The following GRIN2C variants were observed in gnomAD, a reference collection of about 807,000 sequenced individuals.
GRIN2C encodes glutamate receptor ionotropic, NMDA 2C.
A neutral mutation model predicts 77.7 loss-of-function variants in GRIN2C; 64 were observed. The ratio of observed to expected loss-of-function variants is 0.82; its 90% CI spans 0.67 to 1.01. GRIN2C has a LOEUF of 1.01. Among genes scored for constraint, GRIN2C ranks in the 50% least tolerant of loss-of-function variants. The pLI, the probability that GRIN2C is intolerant of heterozygous loss-of-function variation, is 0.00. For missense variants in GRIN2C, 1,549 were observed against 1,486.0 expected (o/e 1.04, Z -0.70); for synonymous variants, 792 against 643.4 (o/e 1.23, Z -3.49).
intron 1 of GRIN2C, among the ~76,000 whole-genome samples, chr17:74,855,887 G>A (rs977836198): frequency 2.0e-5 from 3 of 152,348 alleles, no homozygotes; most frequent in South Asian, 2.1e-4. Context: ...TTCCTTCTGT[G>A]GCCTCAGCTA....
intron 1 of GRIN2C, among the ~76,000 whole-genome samples, chr17:74,856,682 T>G (rs1176181948): frequency 6.6e-6 from 1 of 152,022 alleles, no homozygotes; most frequent in South Asian, 2.1e-4. Context: ...GGTTTCACCG[T>G]GTTAGCCAGG....
chr17:74,849,665 T>C lies in GRIN2C; in HGVS notation c.1645+115A>G. 1.1e-6 allele frequency: 1 copy of C among 926,158 alleles called. No homozygotes were observed. The highest frequency in any genetic ancestry group is 1.6e-6 in the Non-Finnish European group (1 of 610,308). The allele number at this position is 926,158 out of a possible 1,614,324, so 57.4% of individuals were successfully genotyped here. A position where few individuals can be genotyped will look rare whatever the true frequency, so the allele number is the denominator to read the frequency against. ...CCAGCCAACCTCCAAGACCCAAGGC[T>C]GCTGTGCTTGGCCTGTGAGAGCCCA... On this transcript the variant is annotated intron_variant, in intron 7 of 12. Transcript: ENST00000293190. This position sits in a 1 kb window ranked among gnomAD's most constrained non-coding sequence, Gnocchi z 4.6.
rs1002578183 is a variant in GRIN2C at position 74,852,155 on chromosome 17, G to T, written c.856C>A (p.Arg286Ser). 1.2e-5 allele frequency: 17 copies of T among 1,452,604 alleles called. No individual in the cohort carries two copies. Among genetic ancestry groups the T allele is most frequent in the African/African-American group, 2.9e-5 (2 of 68,022 alleles). 90.0% of individuals were successfully genotyped at this position (1,452,604 alleles called of 1,614,324 possible). A position where few individuals can be genotyped will look rare whatever the true frequency, so the allele number is the denominator to read the frequency against. ...GCCACGCCGTCGCGCACCTTCTGGC[G>T]CAGGCTGAGGCGCCAGCTCTCGGTG... ...VVTESWRLSLRQKVRDGVAIL... is the reference protein window; with the variant it reads ...VVTESWRLSLSQKVRDGVAIL... The change falls in exon 3 of 13, where the codon CGC becomes AGC. Residue 286 changes from arginine (R) to serine (S), a missense_variant. By Grantham distance (110) the Arg-to-Ser change is moderately radical (BLOSUM62 -1). This residue lies in a region of GRIN2C where 717 missense variants were observed against 858.1 expected (regional missense o/e 0.84). Transcript: ENST00000293190.
Position 74,847,651 on chromosome 17 carries a change from G to C in GRIN2C, c.1772-114C>G. Reference sequence around the variant, plus strand: ...GTCTCAGCCTGGCCTTGGGGGGGACGCGTCCTGGCCATTCCCTCGCCAGGT... The same window carrying C: ...GTCTCAGCCTGGCCTTGGGGGGGACCCGTCCTGGCCATTCCCTCGCCAGGT... On this transcript the variant is annotated intron_variant, in intron 8 of 12. Transcript: ENST00000293190. The surrounding 1 kb of genome is among the most constrained non-coding windows in gnomAD (Gnocchi z 5.2). The C allele has an allele frequency of 1.1e-6, 1 of 903,826 alleles. No individual in the cohort carries two copies. Among genetic ancestry groups the C allele is most frequent in the Non-Finnish European group, 1.7e-6 (1 of 582,326 alleles). The allele number at this position is 903,826 out of a possible 1,614,324, so 56.0% of individuals were successfully genotyped here.
At position 74,848,010 on chromosome 17, in the gene GRIN2C, G is replaced by C. The variant is rs372730559; in HGVS notation, c.1646-33C>G. The C allele has an allele frequency of 2.2e-5, 35 of 1,612,502 alleles. No individual in the cohort carries two copies. The South Asian group carries it at 3.8e-4, about 18-fold the overall frequency. ...CAGAGGGAGGCAGCTCAGAGGCCTC[G>C]GCATGTTCCCTGCCCCAGGCCCAGA... On this transcript the variant is annotated intron_variant, in intron 7 of 12. Transcript: ENST00000293190.
At chr17:74,860,464 AGGGTCGCGGGACGCACCTGG>A (rs755282853), upstream of GRIN2C, 1 of 456,704 alleles carries the variant, frequency 2.2e-6, no homozygotes. Context: ...AGCTCCTTGC[AGGGTCGCGGGACGCACCTGG>A]GGGTTCAGGT....
intron 1 of GRIN2C, among the ~76,000 whole-genome samples, chr17:74,856,548 G>A (rs1031549588): frequency 4.1e-5 from 6 of 147,148 alleles, no homozygotes; most frequent in Admixed American, 6.9e-5. Context: ...GTGCGATCTC[G>A]GCTCACTGCA....
In GRIN2C at chr17:74,843,356, G is replaced by T; in HGVS notation, c.2781C>A (p.Arg927=). Residue 927 remains arginine, a synonymous_variant, in exon 13 of 13, where the codon CGC becomes CGA. Coordinates refer to ENST00000293190, the MANE Select transcript of GRIN2C (RefSeq NM_000835.6). ...TRTIENWGGG[R]RAPPPSPCPT... ...GGCAGGGGGACGGTGGGGGCGCACG[G>T]CGGCCGCCACCCCAATTCTCGATGG... 1 of 1,521,536 alleles carries T rather than the reference G, an allele frequency of 6.6e-7. No homozygotes were observed. 94.3% of individuals were successfully genotyped at this position (1,521,536 alleles called of 1,614,324 possible). A position where few individuals can be genotyped will look rare whatever the true frequency, so the allele number is the denominator to read the frequency against.
In GRIN2C at chr17:74,850,357, G is replaced by C. The variant is rs1413188504; in HGVS notation, c.1340C>G (p.Ala447Gly). 4 of 1,612,322 alleles carry C rather than the reference G, an allele frequency of 2.5e-6. No individual in the cohort carries two copies. Among genetic ancestry groups the C allele is most frequent in the South Asian group, 1.1e-5 (1 of 91,086 alleles). ...SNHTFSSGDV[A>G]PYTKLCCKGF... The stretch of plus-strand genomic sequence containing the variant: ...CTTACAGCAGAGCTTGGTGTAGGGG[G>C]CCACGTCCCCGCTGCTGCAGCCATG... Residue 447 changes from alanine to glycine, a missense_variant, in exon 6 of 13, where the codon GCC (alanine) becomes GGC (glycine). Around this residue, in one of 3 missense-constraint regions of GRIN2C, gnomAD observed 717 missense variants for 858.1 expected, o/e 0.84. Coordinates refer to ENST00000293190, the MANE Select transcript of GRIN2C (RefSeq NM_000835.6). The surrounding 1 kb of genome is among the most constrained non-coding windows in gnomAD (Gnocchi z 5.3).
upstream of GRIN2C, among the ~76,000 whole-genome samples, chr17:74,860,253 G>A (rs1407430265): frequency 6.6e-6 from 1 of 152,248 alleles, no homozygotes; most frequent in Non-Finnish European, 1.5e-5. Flanking sequence ...TACAGCCAGC[G>A]GAATGGTACC....
intron 4 of GRIN2C, 82 bp downstream of exon 4, chr17:74,851,493 ACT>A (rs777801254): frequency 5.4e-6 from 4 of 741,920 alleles, no homozygotes; most frequent in East Asian, 2.7e-5. Context: ...GGACAGAGGG[ACT>A]CTCTGCTCAG....
In GRIN2C at chr17:74,852,362, G is replaced by C; in HGVS notation, c.649C>G (p.Arg217Gly). The change falls in exon 3 of 13, where the codon CGC becomes GGC. Residue 217 changes from arginine to glycine, a missense_variant. Around this residue, in one of 3 missense-constraint regions of GRIN2C, gnomAD observed 382 missense variants for 360.0 expected, o/e 1.06. Transcript: ENST00000293190. ...ACAAACACGGGCGCGTCGAGCTGGC[G>C]CAGCAGGCGCTGCGTGCGCGCGCGC... is the stretch of plus-strand genomic sequence containing the variant. ...GPRARTQRLL[R>G]QLDAPVFVAY... 6.9e-7 allele frequency: 1 copy of C among 1,450,644 alleles called. No individual in the cohort carries two copies. The highest frequency in any genetic ancestry group is 9.0e-7 in the Non-Finnish European group (1 of 1,109,478). 89.9% of individuals were successfully genotyped at this position (1,450,644 alleles called of 1,614,324 possible). A position where few individuals can be genotyped will look rare whatever the true frequency, so the allele number is the denominator to read the frequency against.
Position 74,842,693 on chromosome 17 carries a change from G to A in GRIN2C, c.3444C>T (p.His1148=), listed in dbSNP as rs555170789. ...AGAPAWQHRQ[H]VCLHAHAHLP... ...GGTGGGCGTGGGCGTGCAGGCAGAC[G>A]TGCTGTCTGTGCTGCCAGGCGGGGG... The change falls in exon 13 of 13, where the codon CAC becomes CAT. Residue 1148 remains histidine (H), a synonymous_variant. Coordinates refer to ENST00000293190, the MANE Select transcript of GRIN2C (RefSeq NM_000835.6). 6 of 722,488 alleles carry A rather than the reference G, an allele frequency of 8.3e-6. No individual in the cohort carries two copies. The highest frequency in any genetic ancestry group is 2.3e-4 in the Middle Eastern group (1 of 4,398). 44.8% of individuals were successfully genotyped at this position (722,488 alleles called of 1,614,324 possible). A position where few individuals can be genotyped will look rare whatever the true frequency, so the allele number is the denominator to read the frequency against.
chr17:74,852,422 C>T lies in GRIN2C; in HGVS notation c.589G>A (p.Asp197Asn), dbSNP rs1015656015. 1.3e-6 allele frequency: 2 copies of T among 1,516,696 alleles called. No homozygotes were observed. Among genetic ancestry groups the T allele is most frequent in the African/African-American group, 2.9e-5 (2 of 69,788 alleles). The allele number at this position is 1,516,696 out of a possible 1,614,324, so 94.0% of individuals were successfully genotyped here. A position where few individuals can be genotyped will look rare whatever the true frequency, so the allele number is the denominator to read the frequency against. The part of the protein sequence containing the change: ...DASHVSWRLL[D>N]VVTLELGPGG... The stretch of plus-strand genomic sequence containing the variant: ...GGGCCCAGCTCCAGCGTGACCACGT[C>T]CAGCAGCCGCCAACTCACGTGGCTG... The change falls in exon 3 of 13, where the codon GAC becomes AAC. Residue 197 changes from aspartate (D) to asparagine (N), a missense_variant. By Grantham distance (23) the Asp-to-Asn change is conservative (BLOSUM62 1). Coordinates refer to ENST00000293190, the MANE Select transcript of GRIN2C (RefSeq NM_000835.6).
rs1409393698 is a variant in GRIN2C, at chr17:74,852,609, C to A, written c.402G>T (p.Glu134Asp). 5 of 1,238,572 alleles carry A rather than the reference C, an allele frequency of 4.0e-6. No homozygotes were observed. Among genetic ancestry groups the A allele is most frequent in the Non-Finnish European group, 5.0e-6 (5 of 994,000 alleles). The allele number at this position is 1,238,572 out of a possible 1,614,324, so 76.7% of individuals were successfully genotyped here. A position where few individuals can be genotyped will look rare whatever the true frequency, so the allele number is the denominator to read the frequency against. ...CCAGCTGCAGGAAGGCGGAGCCCGG[C>A]TCCTGGGGGCGGGCGGGGCCTGAGC... ...GGSAVVLTPK[E>D]PGSAFLQLGV... Residue 134 changes from glutamate to aspartate, a missense_variant and splice_region_variant, in exon 3 of 13, where the codon GAG (glutamate) becomes GAT (aspartate). Physicochemically the swap from Glu to Asp is conservative, Grantham distance 45 (BLOSUM62 2). Around this residue, in one of 3 missense-constraint regions of GRIN2C, gnomAD observed 382 missense variants for 360.0 expected, o/e 1.06. Coordinates refer to ENST00000293190, the MANE Select transcript of GRIN2C (RefSeq NM_000835.6).
In GRIN2C at chr17:74,850,861, A is replaced by C; in HGVS notation, c.1114-94T>G. On this transcript the variant is annotated intron_variant, in intron 4 of 12. Coordinates refer to ENST00000293190, the MANE Select transcript of GRIN2C (RefSeq NM_000835.6). The surrounding 1 kb of genome is among the most constrained non-coding windows in gnomAD (Gnocchi z 5.3). ...CCAGGGCCAAGAATCTCCCTCTCTC[A>C]CCTAGGGATGCTGGGGCAGGTCAGA... 1 of 1,047,264 alleles carries C rather than the reference A, an allele frequency of 9.5e-7. No individual in the cohort carries two copies. The highest frequency in any genetic ancestry group is 1.4e-6 in the Non-Finnish European group (1 of 698,924). 64.9% of individuals were successfully genotyped at this position (1,047,264 alleles called of 1,614,324 possible).
chr17:74,852,280 C>A lies in GRIN2C; in HGVS notation c.731G>T (p.Gly244Val). Residue 244 changes from glycine to valine, a missense_variant, in exon 3 of 13, where the codon GGT becomes GTT. Coordinates refer to ENST00000293190, the MANE Select transcript of GRIN2C (RefSeq NM_000835.6). Reference sequence around the variant, plus strand: ...CCACACGTGGCCGGGCCCCACCAGACCGGCCTGCGCCGCCTCGGCGAAGAG... The same window carrying A: ...CCACACGTGGCCGGGCCCCACCAGAACGGCCTGCGCCGCCTCGGCGAAGAG... ...EVLFAEAAQA[G>V]LVGPGHVWLV... 1 of 1,412,646 alleles carries A rather than the reference C, an allele frequency of 7.1e-7. No individual in the cohort carries two copies. Among genetic ancestry groups the A allele is most frequent in the Non-Finnish European group, 9.2e-7 (1 of 1,090,034 alleles). The allele number at this position is 1,412,646 out of a possible 1,614,324, so 87.5% of individuals were successfully genotyped here.
chr17:74,846,241 G>C lies in GRIN2C; in HGVS notation c.2175C>G (p.Ala725=). 6.2e-7 allele frequency: 1 copy of C among 1,614,078 alleles called. No homozygotes were observed. Among genetic ancestry groups the C allele is most frequent in the Non-Finnish European group, 8.5e-7 (1 of 1,179,944 alleles). ...TGAGGACAGCAGCATCATAGATGAA[G>C]GCATCCAGCTTCCTGGGGACAGGCT... ...LTSLKMGKLD[A]FIYDAAVLNY... is the part of the protein sequence containing the mutation. Residue 725 remains alanine, a synonymous_variant, in exon 11 of 13, where the codon GCC becomes GCG. Coordinates refer to ENST00000293190, the MANE Select transcript of GRIN2C (RefSeq NM_000835.6). This position sits in a 1 kb window ranked among gnomAD's most constrained non-coding sequence, Gnocchi z 4.4.
chr17:74,843,841 C>T (rs1008037349), intron 12 of GRIN2C, among the ~76,000 whole-genome samples: 2 of 151,690 alleles, frequency 1.3e-5, no homozygotes, highest in Non-Finnish European at 1.5e-5. Context: ...ACCCTGCCAC[C>T]CTGGTGAGCC....
Sources: allele counts gnomAD v4.1 joint callset (sites outside exome capture counted in the v4.1 genomes callset), GRCh38; gene constraint gnomAD v4.1.1; regional missense constraint gnomAD v4.1.1; non-coding constraint Gnocchi (gnomAD v3.1); transcripts MANE v1.5; gene names NCBI Gene and HGNC (gene_info 2026-07-23, HGNC 2026-07-21).